OTUD7A: variants seen among roughly 807,000 people sequenced by gnomAD.
The protein encoded by OTUD7A is OTU domain-containing protein 7A.
A neutral mutation model predicts 65.7 loss-of-function variants in OTUD7A; 12 were observed. The observed-to-expected ratio is 0.18, with a 90% CI of 0.12 to 0.30. The LOEUF is 0.30. Among genes scored for constraint, OTUD7A ranks in the 10% least tolerant of loss-of-function variants. The pLI is 1.00. For synonymous variants in OTUD7A, 641 were observed against 586.3 expected (o/e 1.09, Z -1.35); for missense variants, 1,148 against 1,304.8 (o/e 0.88, Z 1.85).
At chr15:31,590,764 G>A (rs1049797795) in intron 3 of OTUD7A, among the ~76,000 whole-genome samples, 1 of 152,122 alleles carries the variant, frequency 6.6e-6, no homozygotes, top group Non-Finnish European at 1.5e-5. Flanking sequence ...TGGTAAAAGC[G>A]TTTTCATGGC....
chr15:31,836,140 C>T (rs1897050320), intron 1 of OTUD7A, among the ~76,000 whole-genome samples: 1 of 151,960 alleles, frequency 6.6e-6, no homozygotes, highest in Non-Finnish European at 1.5e-5. Context: ...GAAACCAAAA[C>T]TTTTTTTCCG....
chr15:31,855,080 T>C (rs1897534328), intron 1 of OTUD7A, among the ~76,000 whole-genome samples: 1 of 152,052 alleles, frequency 6.6e-6, no homozygotes, highest in Non-Finnish European at 1.5e-5. Context: ...CATTCTTGAA[T>C]TGTTAACAGA....
At chr15:31,823,709 T>C (rs1488477669) in intron 1 of OTUD7A, among the ~76,000 whole-genome samples, 1 of 152,190 alleles carries the variant, frequency 6.6e-6, no homozygotes, top group East Asian at 1.9e-4. Context: ...ATTGCACGTG[T>C]ACCTTAGAAC....
intron 8 of OTUD7A, among the ~76,000 whole-genome samples, chr15:31,505,731 G>C (rs1595563111): frequency 7.1e-6 from 1 of 141,248 alleles, no homozygotes; most frequent in African/African-American, 2.7e-5. Flanking sequence ...GAGCGAACAA[G>C]GTGAGAATTG....
intron 3 of OTUD7A, among the ~76,000 whole-genome samples, chr15:31,614,008 G>A (rs1424584594): frequency 2.6e-5 from 4 of 152,108 alleles, no homozygotes; most frequent in Non-Finnish European, 5.9e-5. Context: ...CAGCAACCTG[G>A]ATAAGATTGG....
chr15:31,767,935 C>CGAGGTAAGTTTTGTAATTTAAAAA (rs1895132528), intron 1 of OTUD7A: 1 of 1,546,200 alleles, frequency 6.5e-7, no homozygotes, highest in Non-Finnish European at 8.9e-7. Context: ...TTTCTGATCC[C>CGAGGTAAGTTTTGTAATTTAAAAA]CACCTCCCTT....
At chr15:31,729,687 C>A (rs1388778685) in intron 1 of OTUD7A, among the ~76,000 whole-genome samples, 5 of 152,174 alleles carry the variant, frequency 3.3e-5, no homozygotes, top group Admixed American at 2.0e-4. Context: ...CCACCTCACC[C>A]ACATGCATGC....
At chr15:31,683,867 T>C (rs1892776422) in intron 1 of OTUD7A, among the ~76,000 whole-genome samples, 1 of 152,148 alleles carries the variant, frequency 6.6e-6, no homozygotes, top group East Asian at 1.9e-4. Flanking sequence ...CTGATGACTA[T>C]GAAGTCCAAG....
chr15:31,800,402 C>A (rs1896088705), intron 1 of OTUD7A, among the ~76,000 whole-genome samples: 1 of 152,188 alleles, frequency 6.6e-6, no homozygotes, highest in Non-Finnish European at 1.5e-5. Context: ...GGCCCATGGT[C>A]TCACCACCCC....
chr15:31,597,955 G>A (rs996226512), intron 3 of OTUD7A, among the ~76,000 whole-genome samples: 2 of 152,144 alleles, frequency 1.3e-5, no homozygotes, highest in East Asian at 1.9e-4. Flanking sequence ...GGGAACTTTC[G>A]AGTTTTCAGA....
chr15:31,786,352 C>A (rs923527407), intron 1 of OTUD7A, among the ~76,000 whole-genome samples: 4 of 152,200 alleles, frequency 2.6e-5, no homozygotes, highest in African/African-American at 7.2e-5. Context: ...AGAACAAATT[C>A]TCTATCCTCC....
chr15:31,577,964 C>T (rs1889257017), intron 3 of OTUD7A, among the ~76,000 whole-genome samples: 1 of 152,184 alleles, frequency 6.6e-6, no homozygotes, highest in Non-Finnish European at 1.5e-5. Flanking sequence ...AAGGAGCACT[C>T]TGAGACACTG....
chr15:31,552,659 C>T (rs1332060896), intron 5 of OTUD7A, among the ~76,000 whole-genome samples: 1 of 152,252 alleles, frequency 6.6e-6, no homozygotes, highest in African/African-American at 2.4e-5. Flanking sequence ...GACCACTACG[C>T]TGAGGAGATG....
In OTUD7A at chr15:31,748,103, G is replaced by A. The variant is rs548821334; in HGVS notation, c.-99-91026C>T. Among the ~76,000 whole-genome samples, 18 of 152,144 alleles carry A rather than the reference G, an allele frequency of 1.2e-4. No individual in the cohort carries two copies. In the South Asian group the frequency reaches 3.3e-3, roughly 28 times the overall value. ...TTGAACCCTGGACCAGGAAAATAAT[G>A]GCTATAAAAGACATTATTGAGAGAA... On this transcript the variant is annotated intron_variant, in intron 1 of 12. Transcript: ENST00000307050.
At chr15:31,861,096 T>C (rs1174537848) in intron 1 of OTUD7A, among the ~76,000 whole-genome samples, 2 of 152,058 alleles carry the variant, frequency 1.3e-5, no homozygotes, top group Non-Finnish European at 2.9e-5. Context: ...TCCCTTCCCC[T>C]TGATCACTCA....
At chr15:31,501,544 T>C (rs1340371609) in intron 10 of OTUD7A, 146 bp downstream of exon 10, 11 of 974,024 alleles carry the variant, frequency 1.1e-5, no homozygotes, top group Non-Finnish European at 1.7e-5. Context: ...GGTAGCTTTA[T>C]GCAAAAACTG....
At chr15:31,745,476 C>T (rs1197371930) in intron 1 of OTUD7A, among the ~76,000 whole-genome samples, 1 of 152,136 alleles carries the variant, frequency 6.6e-6, no homozygotes, top group Non-Finnish European at 1.5e-5. Context: ...GGAATAGCTG[C>T]ATTTTCATGT....
intron 6 of OTUD7A, among the ~76,000 whole-genome samples, chr15:31,530,434 G>A (rs903604300): frequency 8.5e-5 from 13 of 152,232 alleles, no homozygotes; most frequent in African/African-American, 2.4e-4. Flanking sequence ...ACCAGGCGAC[G>A]GTCTCTAAGT....
In OTUD7A at chr15:31,803,819, G is replaced by A. The variant is rs1595780770; in HGVS notation, c.-100+66688C>T. 4.6e-5 allele frequency among the ~76,000 whole-genome samples: 7 copies of A among 152,326 alleles called. 1 individual carries two copies. The South Asian group carries it at 1.5e-3, about 32-fold the overall frequency. On this transcript the variant is annotated intron_variant, in intron 1 of 12. Coordinates refer to ENST00000307050, the MANE Select transcript of OTUD7A (RefSeq NM_001382637.1). Reference sequence around the variant, plus strand: ...GCCCTGGTGGGGTAGGGGACAAGGTGAAAAGCCAGTGGAGGCCCCACCCAC... The same window carrying A: ...GCCCTGGTGGGGTAGGGGACAAGGTAAAAAGCCAGTGGAGGCCCCACCCAC...
Sources: gnomAD v4.1 joint callset for allele counts (sites outside exome capture counted in the v4.1 genomes callset) on GRCh38, gnomAD v4.1.1 for gene constraint, MANE v1.5 for transcripts, NCBI Gene and HGNC (gene_info 2026-07-23, HGNC 2026-07-21) for gene names.